FRMD4A: variants seen among roughly 807,000 people sequenced by gnomAD.
The protein encoded by FRMD4A is FERM domain-containing protein 4A.
In FRMD4A, 29 loss-of-function variants were observed where a neutral mutation model predicts 129.1. The observed-to-expected ratio is 0.22, with a 90% CI of 0.17 to 0.31. The LOEUF (loss-of-function observed/expected upper bound fraction) is 0.31, where lower values mean the gene tolerates loss of function less well. Ranked by LOEUF, FRMD4A falls within the 10% of genes least tolerant of loss-of-function variation. The pLI, the probability that FRMD4A is intolerant of heterozygous loss-of-function variation, is 1.00. For missense variants in FRMD4A, 1,272 were observed against 1,375.8 expected (o/e 0.92, Z 1.19); for synonymous variants, 634 against 571.6 (o/e 1.11, Z -1.56).
Position 14,038,827 on chromosome 10 carries a change from A to G in FRMD4A, c.46-179915T>C, listed in dbSNP as rs75588887. On this transcript the variant is annotated intron_variant, in intron 2 of 24. Coordinates refer to ENST00000357447, the MANE Select transcript of FRMD4A (RefSeq NM_018027.5). ...TCAGTCAAGCTGACCCCAGCACCTC[A>G]CTAAATGTCTGATTGGCGCCTCTGT... is the stretch of plus-strand genomic sequence containing the variant. 9.9e-3 allele frequency among the ~76,000 whole-genome samples: 1,510 copies of G among 152,214 alleles called. 30 individuals carry two copies. Among genetic ancestry groups the G allele is most frequent in the African/African-American group, 0.035 (1,443 of 41,524 alleles).
chr10:14,067,804 G>A (rs561714801), intron 2 of FRMD4A, among the ~76,000 whole-genome samples: 36 of 152,274 alleles, frequency 2.4e-4, no homozygotes, highest in East Asian at 1.5e-3. Flanking sequence ...GTAACAGAGC[G>A]AGACTCCGTC....
At chr10:13,995,531 G>A (rs1366216477) in intron 2 of FRMD4A, among the ~76,000 whole-genome samples, 2 of 152,202 alleles carry the variant, frequency 1.3e-5, no homozygotes, top group Non-Finnish European at 2.9e-5. Flanking sequence ...GTTGCAGTGA[G>A]CTGAGATTGT....
At chr10:13,889,060 C>T (rs376369970) in intron 2 of FRMD4A, among the ~76,000 whole-genome samples, 26 of 152,308 alleles carry the variant, frequency 1.7e-4, no homozygotes, top group African/African-American at 3.4e-4. Context: ...CACGCACGTG[C>T]GGATGCAAAC....
chr10:13,869,158 C>T (rs2094410587), intron 2 of FRMD4A, among the ~76,000 whole-genome samples: 1 of 152,122 alleles, frequency 6.6e-6, no homozygotes, highest in South Asian at 2.1e-4. Flanking sequence ...TGATTCAAGC[C>T]ACAAGTCCTC....
intron 2 of FRMD4A, among the ~76,000 whole-genome samples, chr10:14,089,640 C>CAAA (rs759243260): frequency 2.8e-5 from 2 of 70,272 alleles, no homozygotes; most frequent in East Asian, 3.6e-4. Context: ...CAAAAAAAAA[C>CAAA]AAACAAAAAA....
chr10:13,897,799 G>A (rs2094774704), intron 2 of FRMD4A, among the ~76,000 whole-genome samples: 1 of 151,924 alleles, frequency 6.6e-6, no homozygotes, highest in Non-Finnish European at 1.5e-5. Context: ...TTAGCCGGGT[G>A]TGGTTGCAGC....
At chr10:14,246,801 G>A (rs570583960) in intron 2 of FRMD4A, among the ~76,000 whole-genome samples, 59 of 152,240 alleles carry the variant, frequency 3.9e-4, no homozygotes, top group Non-Finnish European at 6.9e-4. Flanking sequence ...GAGAGAAAAC[G>A]CGGAGATAGT....
intron 2 of FRMD4A, among the ~76,000 whole-genome samples, chr10:14,076,422 T>C (rs1835607121): frequency 2.0e-5 from 3 of 152,000 alleles, no homozygotes; most frequent in South Asian, 4.2e-4. Context: ...AGGTGGATCA[T>C]GAGGTCAGGA....
chr10:13,830,085 G>A (rs2093765910), intron 3 of FRMD4A, among the ~76,000 whole-genome samples: 2 of 152,090 alleles, frequency 1.3e-5, no homozygotes, highest in South Asian at 2.1e-4. Context: ...AGCCTTACAT[G>A]TTCTCTCTGG....
At chr10:14,028,107 T>C (rs1833066334) in intron 2 of FRMD4A, among the ~76,000 whole-genome samples, 1 of 152,248 alleles carries the variant, frequency 6.6e-6, no homozygotes, top group South Asian at 2.1e-4. Context: ...GTTTTCTTAG[T>C]AACTATATTC....
At chr10:13,848,204 G>A (rs113673390) in intron 3 of FRMD4A, among the ~76,000 whole-genome samples, 1 of 152,132 alleles carries the variant, frequency 6.6e-6, no homozygotes, top group East Asian at 1.9e-4. Flanking sequence ...GCACCATAGA[G>A]AGGACATGGA....
At chr10:14,298,267 C>T (rs1288226160) in intron 2 of FRMD4A, among the ~76,000 whole-genome samples, 7 of 152,134 alleles carry the variant, frequency 4.6e-5, no homozygotes, top group Admixed American at 2.0e-4. Flanking sequence ...AAATATACAC[C>T]AGTACACCAG....
chr10:13,932,175 C>A (rs1031050997), intron 2 of FRMD4A, among the ~76,000 whole-genome samples: 1 of 152,312 alleles, frequency 6.6e-6, no homozygotes, highest in Non-Finnish European at 1.5e-5. Flanking sequence ...GAAGCAATAA[C>A]CTGGTCCTCT....
intron 3 of FRMD4A, among the ~76,000 whole-genome samples, chr10:13,813,982 C>T (rs1368527614): frequency 6.6e-6 from 1 of 152,226 alleles, no homozygotes; most frequent in African/African-American, 2.4e-5. Flanking sequence ...CTTGCTATTT[C>T]TTGAAACATT....
chr10:13,772,466 C>G (rs2092485064), intron 6 of FRMD4A, among the ~76,000 whole-genome samples: 1 of 151,984 alleles, frequency 6.6e-6, no homozygotes, highest in Admixed American at 6.6e-5. Context: ...GGTTTACAAC[C>G]CAGACCATTA....
intron 6 of FRMD4A, among the ~76,000 whole-genome samples, chr10:13,782,165 C>T (rs985630477): frequency 2.6e-5 from 4 of 152,142 alleles, no homozygotes; most frequent in African/African-American, 9.6e-5. Flanking sequence ...GAAACTGTCT[C>T]AAAGTGACAA....
intron 2 of FRMD4A, among the ~76,000 whole-genome samples, chr10:13,863,646 G>A (rs747458091): frequency 6.6e-6 from 1 of 151,912 alleles, no homozygotes; most frequent in Non-Finnish European, 1.5e-5. Context: ...CACGTGGACA[G>A]GGATTAAGAG....
intron 13 of FRMD4A, among the ~76,000 whole-genome samples, chr10:13,705,595 C>G (rs1027394722): frequency 6.6e-6 from 1 of 152,168 alleles, no homozygotes; most frequent in African/African-American, 2.4e-5. Context: ...TGCCTAAGAA[C>G]CTGGTCCAAT....
chr10:14,226,922 A>T lies in FRMD4A; in HGVS notation c.45+103136T>A, dbSNP rs116511281. Among the ~76,000 whole-genome samples the T allele has an allele frequency of 3.3e-3, 499 of 152,148 alleles. 2 individuals carry two copies. The highest frequency in any genetic ancestry group is 0.011 in the African/African-American group (477 of 41,498). ...CACCTAGACTGGGAGGTCTTTCTTTAAAACACCTGACATTGCCCTTAAAGT... is the reference window on the plus strand; with the variant it reads ...CACCTAGACTGGGAGGTCTTTCTTTTAAACACCTGACATTGCCCTTAAAGT... On this transcript the variant is annotated intron_variant, in intron 2 of 24. Coordinates refer to ENST00000357447, the MANE Select transcript of FRMD4A (RefSeq NM_018027.5).
Sources: allele counts gnomAD v4.1 joint callset (sites outside exome capture counted in the v4.1 genomes callset), GRCh38; gene constraint gnomAD v4.1.1; transcripts MANE v1.5; gene names NCBI Gene and HGNC (gene_info 2026-07-23, HGNC 2026-07-21).